Variants in SLCO3A1 observed in about 807,000 individuals in gnomAD.
SLCO3A1 encodes the protein PGE1 transporter.
In SLCO3A1, 27 loss-of-function variants were observed where a neutral mutation model predicts 63.1. The ratio of observed to expected loss-of-function variants is 0.43; its 90% CI spans 0.32 to 0.59. The LOEUF is 0.59. SLCO3A1 is among the 20% of genes least tolerant of loss of function. The pLI, the probability that SLCO3A1 is intolerant of heterozygous loss-of-function variation, is 0.09. For synonymous variants in SLCO3A1, 473 were observed against 409.9 expected, an observed-to-expected ratio of 1.15 and a Z score of -1.86; for missense variants, 773 against 945.8, an observed-to-expected ratio of 0.82 and a Z score of 2.40.
chr15:91,997,223 C>T (rs573234719), intron 2 of SLCO3A1, among the ~76,000 whole-genome samples: 1 of 152,118 alleles, frequency 6.6e-6, no homozygotes, highest in Non-Finnish European at 1.5e-5. Flanking sequence ...AAGCCAAAAG[C>T]CAAATCAAGA....
chr15:92,023,518 G>A (rs1463025088), intron 2 of SLCO3A1, among the ~76,000 whole-genome samples: 1 of 151,790 alleles, frequency 6.6e-6, no homozygotes, highest in Non-Finnish European at 1.5e-5. Flanking sequence ...CACCAGGCTG[G>A]AGTGCAGTGG....
intron 2 of SLCO3A1, among the ~76,000 whole-genome samples, chr15:92,034,847 A>G (rs2046704023): frequency 6.6e-6 from 1 of 151,930 alleles, no homozygotes; most frequent in Non-Finnish European, 1.5e-5. Flanking sequence ...TCCATGTATC[A>G]ATTCTGTCCC....
chr15:91,884,632 A>T (rs10152656), intron 1 of SLCO3A1, among the ~76,000 whole-genome samples: 1 of 152,170 alleles, frequency 6.6e-6, no homozygotes, highest in Admixed American at 6.5e-5. Flanking sequence ...GAATCACTAC[A>T]ATCAAATTAT....
intron 2 of SLCO3A1, among the ~76,000 whole-genome samples, chr15:91,927,378 A>C (rs2151387814): frequency 6.6e-6 from 1 of 152,222 alleles, no homozygotes; most frequent in Non-Finnish European, 1.5e-5. Flanking sequence ...TCAAAGTCAA[A>C]ATTTTCCATG....
chr15:91,890,680 C>T (rs55801615), intron 1 of SLCO3A1, among the ~76,000 whole-genome samples: 2 of 152,060 alleles, frequency 1.3e-5, no homozygotes, highest in Admixed American at 1.3e-4. Context: ...TCTTTTAAGG[C>T]TCTGATAAAT....
At chr15:92,079,761 G>A (rs1442854581) in intron 2 of SLCO3A1, among the ~76,000 whole-genome samples, 4 of 152,218 alleles carry the variant, frequency 2.6e-5, no homozygotes, top group Non-Finnish European at 5.9e-5. Flanking sequence ...TGAGTGCCTC[G>A]AGCACAGCCT....
In SLCO3A1 at chr15:91,880,127, GTCCGTCCA is replaced by G. The variant is rs1397411368; in HGVS notation, c.180+26043_180+26050del. ...CGTCCGTCCGTCCGTCCGTCCGTCC[GTCCGTCCA>G]TCCATCCATCCATCCATCCATCCAT... On this transcript the variant is annotated intron_variant, in intron 1 of 9. Transcript: ENST00000318445. Among the ~76,000 whole-genome samples the G allele has an allele frequency of 9.9e-3, 1,225 of 124,034 alleles. 23 individuals are homozygous for G. The highest frequency in any genetic ancestry group is 0.04 in the African/African-American group (1,140 of 28,820). The allele number at this position is 124,034 out of a possible 152,430, so 81.4% of individuals were successfully genotyped here. A position where few individuals can be genotyped will look rare whatever the true frequency, so the allele number is the denominator to read the frequency against.
At chr15:92,086,440 C>T (rs117357118) in intron 2 of SLCO3A1, among the ~76,000 whole-genome samples, 5,136 of 152,048 alleles carry the variant, frequency 0.034, 134 homozygotes, top group Non-Finnish European at 0.052. Flanking sequence ...AGGTTTCTGT[C>T]GATTTTTCTC....
Position 91,853,902 on chromosome 15 carries a change from G to C in SLCO3A1, c.-7G>C. The C allele has an allele frequency of 7.3e-7, 1 of 1,376,566 alleles. No homozygotes were observed. The highest frequency in any genetic ancestry group is 9.5e-7 in the Non-Finnish European group (1 of 1,055,768). The allele number at this position is 1,376,566 out of a possible 1,614,324, so 85.3% of individuals were successfully genotyped here. On this transcript the variant is annotated 5_prime_UTR_variant, in exon 1 of 10. Transcript: ENST00000318445. Reference sequence around the variant, plus strand: ...GCGGCGGCGGCGGCGGCGGCGGCGGGGGAAGGATGCAGGGGAAGAAGCCGG... The same window carrying C: ...GCGGCGGCGGCGGCGGCGGCGGCGGCGGAAGGATGCAGGGGAAGAAGCCGG...
intron 2 of SLCO3A1, among the ~76,000 whole-genome samples, chr15:92,036,725 A>G (rs1162804288): frequency 6.6e-6 from 1 of 152,200 alleles, no homozygotes; most frequent in Non-Finnish European, 1.5e-5. Context: ...GACTTCTTCC[A>G]GCCCTGAAGT....
chr15:92,034,409 C>T (rs2046697365), intron 2 of SLCO3A1, among the ~76,000 whole-genome samples: 1 of 151,262 alleles, frequency 6.6e-6, no homozygotes, highest in Admixed American at 6.6e-5. Context: ...CAAGTGGAGA[C>T]GATGAGTGTG....
At chr15:92,003,366 G>A (rs1485531036) in intron 2 of SLCO3A1, among the ~76,000 whole-genome samples, 3 of 152,132 alleles carry the variant, frequency 2.0e-5, no homozygotes, top group African/African-American at 7.2e-5. Context: ...CAAATGTCTC[G>A]GCTTCAGAGA....
rs372624597 is a variant in SLCO3A1 at position 92,160,761 on chromosome 15, G to A, written c.1754-1995G>A. ...AGCACTCATAGGGTAGCAAAGCCCCGCTCTCACCCGATTCCAGGCATGTCA... is the reference window on the plus strand; with the variant it reads ...AGCACTCATAGGGTAGCAAAGCCCCACTCTCACCCGATTCCAGGCATGTCA... On this transcript the variant is annotated intron_variant, in intron 9 of 9. Coordinates refer to ENST00000318445, the MANE Select transcript of SLCO3A1 (RefSeq NM_013272.4). Among the ~76,000 whole-genome samples, 159 of 152,144 alleles carry A rather than the reference G, an allele frequency of 1.0e-3. 2 individuals carry two copies. The highest frequency in any genetic ancestry group is 6.8e-3 in the Middle Eastern group (2 of 294).
At chr15:91,880,098 TGTCCGTCCGTCCGTCC>T (rs61664916) in intron 1 of SLCO3A1, among the ~76,000 whole-genome samples, 111 of 97,840 alleles carry the variant, frequency 1.1e-3, no homozygotes, top group African/African-American at 3.5e-3. Flanking sequence ...CTTGTATGTG[TGTCCGTCCGTCCGTCC>T]GTCCGTCCGT....
Position 92,165,719 on chromosome 15 carries a change from C to T in SLCO3A1, c.*2584C>T, listed in dbSNP as rs967473770. The T allele has an allele frequency of 5.1e-6, 5 of 985,022 alleles. No homozygotes were observed. The African/African-American group carries it at 5.2e-5, about 10-fold the overall frequency. The allele number at this position is 985,022 out of a possible 1,614,324, so 61.0% of individuals were successfully genotyped here. On this transcript the variant is annotated 3_prime_UTR_variant, in exon 10 of 10. Coordinates refer to ENST00000318445, the MANE Select transcript of SLCO3A1 (RefSeq NM_013272.4). ...AATTTTAATTATTCTCATATAGTAC[C>T]GAACAGAAAACTCAGTCTAGTTTTA...
rs538696155 is a variant in SLCO3A1, at chr15:91,892,979, A to G, written c.181-23014A>G. Among the ~76,000 whole-genome samples the G allele has an allele frequency of 5.2e-5, 8 of 152,382 alleles. 1 individual carries two copies. In the South Asian group the frequency reaches 1.7e-3, roughly 32 times the overall value. ...GTTACTGTTATTTTTAGCACTTAGT[A>G]TGATACTTGGCTAGTAATAGGTGCT... On this transcript the variant is annotated intron_variant, in intron 1 of 9. Coordinates refer to ENST00000318445, the MANE Select transcript of SLCO3A1 (RefSeq NM_013272.4).
intron 2 of SLCO3A1, among the ~76,000 whole-genome samples, chr15:92,034,527 G>A (rs929969017): frequency 6.6e-6 from 1 of 151,656 alleles, no homozygotes; most frequent in African/African-American, 2.4e-5. Context: ...GAAAAAGGGA[G>A]CCTGCAGCAA....
chr15:91,853,735 A>C lies in SLCO3A1; in HGVS notation c.-174A>C. The C allele has an allele frequency of 2.4e-5, 9 of 370,678 alleles. No homozygotes were observed. Among genetic ancestry groups the C allele is most frequent in the South Asian group, 1.0e-4 (1 of 9,986 alleles). The allele number at this position is 370,678 out of a possible 1,614,324, so 23.0% of individuals were successfully genotyped here. A position where few individuals can be genotyped will look rare whatever the true frequency, so the allele number is the denominator to read the frequency against. ...GATCGCGGCGGCGGCGGCGGCGGCG[A>C]GGAGCTGTGCCTTCCACCTCTCCAG... On this transcript the variant is annotated 5_prime_UTR_variant, in exon 1 of 10. Coordinates refer to ENST00000318445, the MANE Select transcript of SLCO3A1 (RefSeq NM_013272.4).
In SLCO3A1 at chr15:91,882,698, T is replaced by C. The variant is rs1484729523; in HGVS notation, c.180+28610T>C. 2.0e-5 allele frequency among the ~76,000 whole-genome samples: 3 copies of C among 152,122 alleles called. No individual in the cohort carries two copies. The highest frequency in any genetic ancestry group is 6.5e-5 in the Admixed American group (1 of 15,290). On this transcript the variant is annotated intron_variant, in intron 1 of 9. Transcript: ENST00000318445. The surrounding 1 kb of genome is among the most constrained non-coding windows in gnomAD (Gnocchi z 4.4). ...CCACGTCCAGCTAACTTTTTTGTAT[T>C]TTTAGTAGAGACAGGGTTTCACCAT...
Sources: gnomAD v4.1 joint callset for allele counts (sites outside exome capture counted in the v4.1 genomes callset) on GRCh38, gnomAD v4.1.1 for gene constraint, Gnocchi (gnomAD v3.1) non-coding constraint, MANE v1.5 for transcripts, NCBI Gene and HGNC (gene_info 2026-07-23, HGNC 2026-07-21) for gene names.